Variants in TACC3 observed in about 807,000 individuals in gnomAD.
The protein encoded by TACC3 is transforming acidic coiled-coil containing protein 3.
In TACC3, 52 loss-of-function variants were observed where a neutral mutation model predicts 86.0. The ratio of observed to expected loss-of-function variants is 0.60; its 90% CI spans 0.48 to 0.76. TACC3 has a LOEUF of 0.76. TACC3 is among the 30% of genes least tolerant of loss of function. The pLI is 0.00. For synonymous variants in TACC3, 512 were observed against 430.0 expected, an observed-to-expected ratio of 1.19 and a Z score of -2.36; for missense variants, 1,120 against 1,070.4, an observed-to-expected ratio of 1.05 and a Z score of -0.65.
intron 3 of TACC3, among the ~76,000 whole-genome samples, chr4:1,724,571 G>A (rs866282398): frequency 6.6e-5 from 10 of 150,744 alleles, no homozygotes; most frequent in Non-Finnish European, 1.0e-4. Flanking sequence ...TTTTTTAGCC[G>A]ACCTGATTCT....
At position 1,735,145 on chromosome 4, in the gene TACC3, A is replaced by G; in HGVS notation, c.1592-128A>G. On this transcript the variant is annotated intron_variant, in intron 6 of 15. Coordinates refer to ENST00000313288, the MANE Select transcript of TACC3 (RefSeq NM_006342.3). The surrounding 1 kb of genome is among the most constrained non-coding windows in gnomAD (Gnocchi z 4.2). ...CAGCAGTCAGGCCCCGAACATCCAC[A>G]CCTCCAAGGGAGGAAATACTGCTGG... 1.5e-6 allele frequency: 2 copies of G among 1,305,702 alleles called. No homozygotes were observed. Among genetic ancestry groups the G allele is most frequent in the Non-Finnish European group, 2.2e-6 (2 of 928,774 alleles). The allele number at this position is 1,305,702 out of a possible 1,614,324, so 80.9% of individuals were successfully genotyped here.
In TACC3 at chr4:1,735,876, T is replaced by C. The variant is rs370798857; in HGVS notation, c.1748+42T>C. 26 of 1,371,894 alleles carry C rather than the reference T, an allele frequency of 1.9e-5. No individual in the cohort carries two copies. Among genetic ancestry groups the C allele is most frequent in the Non-Finnish European group, 2.4e-5 (24 of 986,756 alleles). The allele number at this position is 1,371,894 out of a possible 1,614,324, so 85.0% of individuals were successfully genotyped here. On this transcript the variant is annotated intron_variant, in intron 8 of 15. Coordinates refer to ENST00000313288, the MANE Select transcript of TACC3 (RefSeq NM_006342.3). This position sits in a 1 kb window ranked among gnomAD's most constrained non-coding sequence, Gnocchi z 4.2. Reference sequence around the variant, plus strand: ...TCCCTCATGCATGAAGCCTTGAGTGTGGGAAGACTGGAGGCTGTTCCTAGG... The same window carrying C: ...TCCCTCATGCATGAAGCCTTGAGTGCGGGAAGACTGGAGGCTGTTCCTAGG...
chr4:1,723,500 C>T lies in TACC3; in HGVS notation c.79C>T (p.Pro27Ser). The T allele has an allele frequency of 1.9e-6, 3 of 1,613,770 alleles. No homozygotes were observed. The highest frequency in any genetic ancestry group is 1.7e-6 in the Non-Finnish European group (2 of 1,180,004). ...TENCDFLFSP[P>S]EVTGRSSVLR... ...AAATTGCGACTTCCTGTTTTCGCCA[C>T]CAGAAGTTACCGGAAGATCGTCTGT... Residue 27 changes from proline (P) to serine (S), a missense_variant, in exon 2 of 16, where the codon CCA becomes TCA. Transcript: ENST00000313288.
At chr4:1,731,340 G>A (rs761720515) in intron 6 of TACC3, 39 bp downstream of exon 6, 75 of 1,600,194 alleles carry the variant, frequency 4.7e-5, no homozygotes, top group African/African-American at 9.4e-5. Context: ...CAGTCTGCCC[G>A]GAGGGGATCC....
chr4:1,729,696 G>A (rs1392774697), intron 4 of TACC3, among the ~76,000 whole-genome samples: 1 of 152,246 alleles, frequency 6.6e-6, no homozygotes, highest in African/African-American at 2.4e-5. Context: ...CGTGACTGCT[G>A]AAGCACAGCA....
Position 1,727,754 on chromosome 4 carries a change from C to G in TACC3, c.352C>G (p.Leu118Val), listed in dbSNP as rs1182562822. 6.2e-7 allele frequency: 1 copy of G among 1,605,024 alleles called. No homozygotes were observed. Among genetic ancestry groups the G allele is most frequent in the Admixed American group, 1.7e-5 (1 of 58,826 alleles). Reference sequence around the variant, plus strand: ...GGATGCCAAAACTACTCATGGAATTCTACAGAAACCAGTGGAGGCTGACAC... The same window carrying G: ...GGATGCCAAAACTACTCATGGAATTGTACAGAAACCAGTGGAGGCTGACAC... ...EVDAKTTHGI[L>V]QKPVEADTDL... is the part of the protein sequence containing the mutation. Residue 118 changes from leucine (L) to valine (V), a missense_variant, in exon 4 of 16, where the codon CTA becomes GTA. By Grantham distance (32) the Leu-to-Val change is conservative (BLOSUM62 1). Coordinates refer to ENST00000313288, the MANE Select transcript of TACC3 (RefSeq NM_006342.3).
At chr4:1,721,494 T>G (rs1348017201), upstream of TACC3, 1 of 152,048 alleles carries the variant, frequency 6.6e-6, no homozygotes. Flanking sequence ...CCGTCGGCGT[T>G]TGAAACTCCG....
chr4:1,740,076 A>T, intron 12 of TACC3, 74 bp downstream of exon 12: 1 of 1,521,630 alleles, frequency 6.6e-7, no homozygotes, highest in Non-Finnish European at 9.1e-7. Flanking sequence ...CCTGCCCTGC[A>T]CCCTGCCTAG....
At position 1,743,848 on chromosome 4, in the gene TACC3, G is replaced by A. The variant is rs565603635; in HGVS notation, c.2224-670G>A. On this transcript the variant is annotated intron_variant, in intron 13 of 15. Coordinates refer to ENST00000313288, the MANE Select transcript of TACC3 (RefSeq NM_006342.3). The stretch of plus-strand genomic sequence containing the variant: ...GTTTAAGGGAGGCGTGACCTCCGCA[G>A]GACATCAGGGGCTGCATGCTGGGTA... Among the ~76,000 whole-genome samples, 5 of 152,360 alleles carry A rather than the reference G, an allele frequency of 3.3e-5. No homozygotes were observed. In the East Asian group the frequency reaches 9.7e-4, roughly 29 times the overall value.
chr4:1,745,006 A>G lies in TACC3; in HGVS notation c.2510A>G (p.Lys837Arg), dbSNP rs1425327015. The G allele has an allele frequency of 2.5e-6, 4 of 1,608,336 alleles. No individual in the cohort carries two copies. The East Asian group carries it at 8.9e-5, about 36-fold the overall frequency. ...GACGACCTCATCTCCAAGATGGAGA[A>G]GATCTGACCTCCACGGAGCCGCTGT... Reference protein sequence around the residue: ...ICDDLISKMEKI With the variant: ...ICDDLISKMERI Residue 837 changes from lysine to arginine, a missense_variant, in exon 16 of 16, where the codon AAG becomes AGG. By Grantham distance (26) the Lys-to-Arg change is conservative (BLOSUM62 2). Transcript: ENST00000313288.
In TACC3 at chr4:1,723,729, T is replaced by G. The variant is rs1377956803; in HGVS notation, c.164T>G (p.Val55Gly). Residue 55 changes from valine to glycine, a missense_variant and splice_region_variant, in exon 3 of 16, where the codon GTG becomes GGG. Physicochemically the swap from Val to Gly is moderately radical, Grantham distance 109 (BLOSUM62 -3). Coordinates refer to ENST00000313288, the MANE Select transcript of TACC3 (RefSeq NM_006342.3). ...PPKNLAKAMK[V>G]TFQTPLRDPQ... ...GCTCTCCTCCTCACTCCGCAACAGG[T>G]GACTTTTCAGACACCTCTGCGGGAT... 6.2e-7 allele frequency: 1 copy of G among 1,613,592 alleles called. No individual in the cohort carries two copies. Among genetic ancestry groups the G allele is most frequent in the Non-Finnish European group, 8.5e-7 (1 of 1,180,010 alleles).
Position 1,735,424 on chromosome 4 carries a change from C to T in TACC3, c.1644+99C>T. On this transcript the variant is annotated intron_variant, in intron 7 of 15. Transcript: ENST00000313288. The surrounding 1 kb of genome is among the most constrained non-coding windows in gnomAD (Gnocchi z 4.2). ...GAGCGTCCCTTGGTGCCCACGTCCC[C>T]CCAGCTGCACACAGGCCCAGGCATT... 8.1e-6 allele frequency: 11 copies of T among 1,361,358 alleles called. No individual in the cohort carries two copies. Among genetic ancestry groups the T allele is most frequent in the South Asian group, 1.2e-5 (1 of 84,200 alleles). The allele number at this position is 1,361,358 out of a possible 1,614,324, so 84.3% of individuals were successfully genotyped here. A position where few individuals can be genotyped will look rare whatever the true frequency, so the allele number is the denominator to read the frequency against.
In TACC3 at chr4:1,740,957, CAGAA is replaced by C. The variant is rs754869916; in HGVS notation, c.2198_2201del (p.Lys733ArgfsTer2). ...CGACCTCTTCAAGCGTTTTGAGAAA[CAGAA>C]AGAGGTGATCGAGGGCTACCGCAAG... is the stretch of plus-strand genomic sequence containing the variant. On this transcript the variant is annotated frameshift_variant, in exon 13 of 16. Transcript: ENST00000313288. LOFTEE classifies it high-confidence loss of function. 2.4e-5 allele frequency: 39 copies of C among 1,610,478 alleles called. No homozygotes were observed. The highest frequency in any genetic ancestry group is 7.7e-5 in the South Asian group (7 of 90,352).
At chr4:1,737,399 A>G in intron 9 of TACC3, 71 bp downstream of exon 9, 2 of 1,454,340 alleles carry the variant, frequency 1.4e-6, no homozygotes, top group Non-Finnish European at 1.9e-6. Flanking sequence ...AAGGGCCTAT[A>G]TTTTCTATTC....
Position 1,737,674 on chromosome 4 carries a change from A to T in TACC3, c.1913A>T (p.Gln638Leu). Residue 638 changes from glutamine (Q) to leucine (L), a missense_variant, in exon 10 of 16, where the codon CAG becomes CTG. By Grantham distance (113) the Gln-to-Leu change is moderately radical. Coordinates refer to ENST00000313288, the MANE Select transcript of TACC3 (RefSeq NM_006342.3). The part of the protein sequence containing the change: ...LSTGPIVDLL[Q>L]YSQKDLDAVV... Reference sequence around the variant, plus strand: ...ACCGGACCTATAGTGGACCTGCTCCAGTACAGCCAGAAGGACCTGGATGCA... The same window carrying T: ...ACCGGACCTATAGTGGACCTGCTCCTGTACAGCCAGAAGGACCTGGATGCA... 2 of 1,550,904 alleles carry T rather than the reference A, an allele frequency of 1.3e-6. No homozygotes were observed. Among genetic ancestry groups the T allele is most frequent in the South Asian group, 2.4e-5 (2 of 84,032 alleles).
At chr4:1,725,863 T>G (rs1717661543) in intron 3 of TACC3, among the ~76,000 whole-genome samples, 1 of 152,206 alleles carries the variant, frequency 6.6e-6, no homozygotes. Context: ...GACAGCCGAG[T>G]GGCCGCCTGG....
At chr4:1,731,088 A>C in intron 5 of TACC3, 84 bp from the exon 6 acceptor site, 2 of 1,597,632 alleles carry the variant, frequency 1.3e-6, no homozygotes, top group East Asian at 2.2e-5. Context: ...CCCCAAGTCT[A>C]CTTCAACAAG....
chr4:1,739,823 G>A (rs1190272657), intron 11 of TACC3, 45 bp downstream of exon 11: 11 of 624,308 alleles, frequency 1.8e-5, no homozygotes, highest in African/African-American at 1.7e-4. Flanking sequence ...CATCCCCCTC[G>A]CCATCCTTGT....
At chr4:1,730,483 AC>A (rs1717948223) in intron 4 of TACC3, 1 of 366,008 alleles carries the variant, frequency 2.7e-6, no homozygotes, top group South Asian at 2.1e-5. Flanking sequence ...TATTTATGAT[AC>A]TGGAACAGCT....
Sources: gnomAD v4.1 joint callset for allele counts (sites outside exome capture counted in the v4.1 genomes callset) on GRCh38, gnomAD v4.1.1 for gene constraint, Gnocchi (gnomAD v3.1) non-coding constraint, MANE v1.5 for transcripts, NCBI Gene and HGNC (gene_info 2026-07-23, HGNC 2026-07-21) for gene names.